GNG4: variants seen among roughly 807,000 people sequenced by gnomAD.
GNG4 encodes the protein G protein subunit gamma 4.
A neutral mutation model predicts 5.8 loss-of-function variants in GNG4; 4 were observed. The ratio of observed to expected loss-of-function variants is 0.69; its 90% CI spans 0.34 to 1.57. GNG4 has a LOEUF of 1.57. Ranked by LOEUF, GNG4 falls within the 40% of genes most tolerant of loss-of-function variation. The pLI, the probability that GNG4 is intolerant of heterozygous loss-of-function variation, is 0.06. For missense variants in GNG4, 96 were observed against 95.1 expected, an observed-to-expected ratio of 1.01 and a Z score of -0.04; for synonymous variants, 29 against 32.9, an observed-to-expected ratio of 0.88 and a Z score of 0.41.
At chr1:235,616,158 T>C in intron 1 of GNG4, 1 of 513,092 alleles carries the variant, frequency 1.9e-6, no homozygotes, top group Admixed American at 2.0e-5. Flanking sequence ...TATGTGGGTC[T>C]GGCCTTTGGC....
chr1:235,562,647 GAAAAAAAAAAAGAA>G (rs754170449), intron 3 of GNG4, among the ~76,000 whole-genome samples: 778 of 21,678 alleles, frequency 0.036, 6 homozygotes, highest in Admixed American at 0.043. Context: ...TCTGTCTCAA[GAAAAAAAAAAAGAA>G]AAAAAAAAAA....
upstream of GNG4, chr1:235,650,544 A>G (rs912917500): frequency 6.6e-6 from 1 of 152,272 alleles, no homozygotes; most frequent in African/African-American, 2.4e-5. Context: ...AGAAACGCGG[A>G]ATACCTGTGC....
chr1:235,615,628 T>G, intron 1 of GNG4: 1 of 230,828 alleles, frequency 4.3e-6, no homozygotes, highest in Non-Finnish European at 9.5e-6. Context: ...TGCAGTGGTG[T>G]CTGGGGGCTT....
At chr1:235,567,638 GTTTC>G (rs753466353) in intron 3 of GNG4, among the ~76,000 whole-genome samples, 6 of 152,150 alleles carry the variant, frequency 3.9e-5, no homozygotes, top group Non-Finnish European at 7.4e-5. Flanking sequence ...ACATGTCTGA[GTTTC>G]CTTCCTGTTT....
At chr1:235,556,936 C>T (rs1686925347) in intron 3 of GNG4, among the ~76,000 whole-genome samples, 1 of 151,960 alleles carries the variant, frequency 6.6e-6, no homozygotes, top group Non-Finnish European at 1.5e-5. Flanking sequence ...ACGCGCAGTT[C>T]ACAATTGGGT....
rs950023582 is a variant in GNG4, at chr1:235,577,971, C to T, written c.99+5769G>A. On this transcript the variant is annotated intron_variant, in intron 3 of 3. Coordinates refer to ENST00000391854, the MANE Select transcript of GNG4 (RefSeq NM_001098722.2). The stretch of plus-strand genomic sequence containing the variant: ...CCCTCCTCAAGGTCCTTGACGAGGT[C>T]ATCGGGAGTGTCCTTGACAGCTCCC... Among the ~76,000 whole-genome samples, 5 of 152,166 alleles carry T rather than the reference C, an allele frequency of 3.3e-5. No homozygotes were observed. In the South Asian group the frequency reaches 1.0e-3, roughly 31 times the overall value.
intron 1 of GNG4, among the ~76,000 whole-genome samples, chr1:235,618,992 AC>A (rs2102974944): frequency 6.7e-6 from 1 of 149,310 alleles, no homozygotes; most frequent in Admixed American, 6.7e-5. Flanking sequence ...AAAACTGTCC[AC>A]TCTTAGTCAT....
At chr1:235,600,380 G>T (rs373058814) in intron 1 of GNG4, among the ~76,000 whole-genome samples, 1 of 151,444 alleles carries the variant, frequency 6.6e-6, no homozygotes, top group East Asian at 1.9e-4. Context: ...CTCCCAAAGC[G>T]TTGGGATTAC....
chr1:235,629,689 T>C (rs1169647791), intron 1 of GNG4, among the ~76,000 whole-genome samples: 1 of 151,936 alleles, frequency 6.6e-6, no homozygotes, highest in Non-Finnish European at 1.5e-5. Flanking sequence ...CTCCACCTCC[T>C]GGGTTCAAGC....
At chr1:235,634,881 C>T (rs944949544) in intron 1 of GNG4, among the ~76,000 whole-genome samples, 16 of 152,208 alleles carry the variant, frequency 1.1e-4, no homozygotes, top group African/African-American at 3.6e-4. Flanking sequence ...TTGCAGTGAG[C>T]CAAGATGGTG....
In GNG4 at chr1:235,550,770, C is replaced by T. The variant is rs1382179543; in HGVS notation, c.*1339G>A. On this transcript the variant is annotated 3_prime_UTR_variant, in exon 4 of 4. Coordinates refer to ENST00000391854, the MANE Select transcript of GNG4 (RefSeq NM_001098722.2). Reference sequence around the variant, plus strand: ...GAGCTGAGATTGTGCCATTGCATTCCAGCCCGGGCGACAGAGCAAGACTCT... The same window carrying T: ...GAGCTGAGATTGTGCCATTGCATTCTAGCCCGGGCGACAGAGCAAGACTCT... The T allele has an allele frequency of 1.3e-5, 2 of 152,112 alleles. No individual in the cohort carries two copies. Among genetic ancestry groups the T allele is most frequent in the Non-Finnish European group, 2.9e-5 (2 of 68,024 alleles). 9.4% of individuals were successfully genotyped at this position (152,112 alleles called of 1,614,324 possible).
At chr1:235,552,292 C>G in intron 3 of GNG4, 55 bp from the exon 4 acceptor site, 1 of 1,570,358 alleles carries the variant, frequency 6.4e-7, no homozygotes, top group Non-Finnish European at 8.7e-7. Flanking sequence ...CAGAGTGAGT[C>G]CAGGGAAGAG....
At chr1:235,645,430 A>C (rs1399493304) in intron 1 of GNG4, among the ~76,000 whole-genome samples, 1 of 152,186 alleles carries the variant, frequency 6.6e-6, no homozygotes, top group African/African-American at 2.4e-5. Flanking sequence ...AGAAGAAACA[A>C]GGTTGAGTTT....
intron 1 of GNG4, among the ~76,000 whole-genome samples, chr1:235,605,963 T>C (rs114782182): frequency 0.024 from 3,509 of 144,090 alleles, 172 homozygotes; most frequent in African/African-American, 0.085. Context: ...TGTGGGGGGG[T>C]GGGTCTCACT....
chr1:235,610,046 TTCAG>T (rs1688448066), intron 1 of GNG4, among the ~76,000 whole-genome samples: 1 of 151,924 alleles, frequency 6.6e-6, no homozygotes. Flanking sequence ...TCTAACGCTA[TTCAG>T]ATTTCATCAA....
intron 3 of GNG4, among the ~76,000 whole-genome samples, chr1:235,581,477 C>T (rs558875846): frequency 2.0e-5 from 3 of 150,226 alleles, no homozygotes; most frequent in South Asian, 4.2e-4. Context: ...TGCAGTGAGC[C>T]GAGATCACAC....
At chr1:235,557,859 T>C (rs1290250429) in intron 3 of GNG4, among the ~76,000 whole-genome samples, 3 of 152,154 alleles carry the variant, frequency 2.0e-5, no homozygotes, top group African/African-American at 7.2e-5. Context: ...CTTCTTCCCT[T>C]ACAGCCCAGT....
intron 1 of GNG4, among the ~76,000 whole-genome samples, chr1:235,596,164 A>C (rs1571904353): frequency 6.7e-6 from 1 of 149,020 alleles, no homozygotes. Context: ...ACAGAGCGAG[A>C]CTCTGTCTCA....
At chr1:235,618,148 T>C (rs867063136) in intron 1 of GNG4, among the ~76,000 whole-genome samples, 2 of 152,256 alleles carry the variant, frequency 1.3e-5, no homozygotes, top group South Asian at 4.2e-4. Flanking sequence ...CTTCCATAAA[T>C]AAAAGCATGA....
Sources: gnomAD v4.1 joint callset for allele counts (sites outside exome capture counted in the v4.1 genomes callset) on GRCh38, gnomAD v4.1.1 for gene constraint, MANE v1.5 for transcripts, NCBI Gene and HGNC (gene_info 2026-07-23, HGNC 2026-07-21) for gene names.